The following MRPS28 variants were observed in gnomAD, a reference collection of about 807,000 sequenced individuals.
The protein encoded by MRPS28 is mitochondrial ribosomal protein S28, also known as small ribosomal subunit protein bS1m.
In MRPS28, 7 loss-of-function variants were observed where a neutral mutation model predicts 10.8. The observed-to-expected ratio is 0.65, with a 90% CI of 0.37 to 1.22. The LOEUF (loss-of-function observed/expected upper bound fraction) is 1.22. Among genes scored for constraint, MRPS28 ranks in the 50% most tolerant of loss-of-function variants. MRPS28 has a pLI of 0.02. For missense variants in MRPS28, 265 were observed against 232.9 expected (o/e 1.14, Z -0.90); for synonymous variants, 121 against 93.3 (o/e 1.30, Z -1.71).
intron 2 of MRPS28, among the ~76,000 whole-genome samples, chr8:79,928,216 A>G (rs747237803): frequency 6.6e-6 from 1 of 152,118 alleles, no homozygotes; most frequent in Non-Finnish European, 1.5e-5. Flanking sequence ...CTGTAGTTCC[A>G]GCTACTGGGG....
intron 2 of MRPS28, among the ~76,000 whole-genome samples, chr8:79,988,989 A>G (rs79154924): frequency 0.023 from 3,443 of 152,318 alleles, 148 homozygotes; most frequent in African/African-American, 0.078. Context: ...GGTATGTGAC[A>G]ATTTCTGAGA....
intron 1 of MRPS28, among the ~76,000 whole-genome samples, chr8:80,006,440 C>T (rs1319465608): frequency 1.3e-5 from 2 of 151,980 alleles, no homozygotes; most frequent in African/African-American, 2.4e-5. Context: ...CTGAAGGAGA[C>T]AGAGACACAA....
intron 2 of MRPS28, among the ~76,000 whole-genome samples, chr8:79,952,396 T>C (rs1410673796): frequency 1.3e-5 from 2 of 152,144 alleles, no homozygotes; most frequent in African/African-American, 2.4e-5. Context: ...GAAAATAATG[T>C]AAGTGAAGAG....
chr8:80,007,984 A>G (rs932913685), intron 1 of MRPS28, among the ~76,000 whole-genome samples: 1 of 152,222 alleles, frequency 6.6e-6, no homozygotes, highest in Non-Finnish European at 1.5e-5. Context: ...AAGCCAAAAG[A>G]ACAAAGCTAG....
intron 2 of MRPS28, among the ~76,000 whole-genome samples, chr8:79,949,627 T>G (rs1279743424): frequency 6.6e-6 from 1 of 152,178 alleles, no homozygotes; most frequent in Non-Finnish European, 1.5e-5. Flanking sequence ...TGTAGTATAA[T>G]TAATATGTAC....
At chr8:79,993,509 T>G (rs1222766273) in intron 2 of MRPS28, among the ~76,000 whole-genome samples, 2 of 152,130 alleles carry the variant, frequency 1.3e-5, no homozygotes, top group Admixed American at 6.5e-5. Context: ...AAAAAACCCC[T>G]CCAATGCTAT....
At chr8:79,930,251 A>G (rs1480062470) in intron 2 of MRPS28, among the ~76,000 whole-genome samples, 2 of 152,234 alleles carry the variant, frequency 1.3e-5, no homozygotes, top group Non-Finnish European at 2.9e-5. Context: ...GTATTTTAGT[A>G]TATTAATCAC....
At chr8:80,004,515 A>G (rs560669548) in intron 1 of MRPS28, among the ~76,000 whole-genome samples, 8 of 152,350 alleles carry the variant, frequency 5.3e-5, no homozygotes, top group African/African-American at 1.9e-4. Flanking sequence ...CCAAAGGTAG[A>G]TAAAACAACA....
intron 2 of MRPS28, among the ~76,000 whole-genome samples, chr8:79,942,645 G>A (rs1324013935): frequency 2.0e-5 from 3 of 152,158 alleles, no homozygotes; most frequent in Non-Finnish European, 4.4e-5. Context: ...CAGTTCTTAT[G>A]AATACCAGTG....
In MRPS28 at chr8:80,007,480, C is replaced by T. The variant is rs572029570; in HGVS notation, c.214-4300G>A. 5.6e-3 allele frequency among the ~76,000 whole-genome samples: 856 copies of T among 152,236 alleles called. 9 individuals carry two copies. The highest frequency in any genetic ancestry group is 0.02 in the African/African-American group (824 of 41,554). On this transcript the variant is annotated intron_variant, in intron 1 of 2. Transcript: ENST00000276585. Reference sequence around the variant, plus strand: ...TCAATTAGGAAAAGAGGAAGTCAAACTGTCCCTGTTTGCAGATGACATGAT... The same window carrying T: ...TCAATTAGGAAAAGAGGAAGTCAAATTGTCCCTGTTTGCAGATGACATGAT...
chr8:79,988,822 T>C (rs1465715285), intron 2 of MRPS28, among the ~76,000 whole-genome samples: 1 of 152,214 alleles, frequency 6.6e-6, no homozygotes, highest in East Asian at 1.9e-4. Flanking sequence ...TCCACTCCTA[T>C]GTTCTTCCTG....
chr8:79,938,315 A>G (rs1198868777), intron 2 of MRPS28, among the ~76,000 whole-genome samples: 1 of 152,084 alleles, frequency 6.6e-6, no homozygotes, highest in East Asian at 1.9e-4. Flanking sequence ...AAACAACTTT[A>G]GAAGAAGCAT....
At chr8:79,957,546 C>CA (rs35772888) in intron 2 of MRPS28, among the ~76,000 whole-genome samples, 1,529 of 84,944 alleles carry the variant, frequency 0.018, 30 homozygotes, top group African/African-American at 0.03. Flanking sequence ...CTTGTCTCTA[C>CA]AAAAAAAAAA....
intron 1 of MRPS28, among the ~76,000 whole-genome samples, chr8:80,010,201 G>A (rs1808998115): frequency 6.6e-6 from 1 of 151,952 alleles, no homozygotes; most frequent in African/African-American, 2.4e-5. Context: ...ACTCATTTTT[G>A]TGTATGGAGT....
rs567622092 is a variant in MRPS28 at position 79,988,711 on chromosome 8, A to T, written c.395+14288T>A. Among the ~76,000 whole-genome samples the T allele has an allele frequency of 5.3e-5, 8 of 152,334 alleles. No individual in the cohort carries two copies. The South Asian group carries it at 1.0e-3, about 20-fold the overall frequency. ...TGATTTTTAAAACAGACAGCTCCAA[A>T]ATAAGCCTTTTTGAACAATTCTGTT... On this transcript the variant is annotated intron_variant, in intron 2 of 2. Coordinates refer to ENST00000276585, the MANE Select transcript of MRPS28 (RefSeq NM_014018.3).
intron 1 of MRPS28, among the ~76,000 whole-genome samples, chr8:80,013,153 T>A (rs1809099288): frequency 6.6e-6 from 1 of 152,152 alleles, no homozygotes; most frequent in Non-Finnish European, 1.5e-5. Context: ...AAACCCTGAA[T>A]AAGTCATTTA....
chr8:80,016,101 A>G (rs1409593510), intron 1 of MRPS28, among the ~76,000 whole-genome samples: 2 of 152,184 alleles, frequency 1.3e-5, no homozygotes, highest in African/African-American at 2.4e-5. Context: ...GAAGAAAGAC[A>G]AATACAGCAG....
At chr8:79,988,231 A>G (rs1409605300) in intron 2 of MRPS28, among the ~76,000 whole-genome samples, 1 of 131,856 alleles carries the variant, frequency 7.6e-6, no homozygotes, top group African/African-American at 2.8e-5. Flanking sequence ...ATGAGAACAC[A>G]TGGACACAGG....
chr8:80,021,056 G>A (rs1273663576), intron 1 of MRPS28, among the ~76,000 whole-genome samples: 2 of 150,418 alleles, frequency 1.3e-5, no homozygotes, highest in Non-Finnish European at 2.9e-5. Flanking sequence ...AGGCTGGAGT[G>A]CAGTGGCACA....
Sources: gnomAD v4.1 joint callset for allele counts (sites outside exome capture counted in the v4.1 genomes callset) on GRCh38, gnomAD v4.1.1 for gene constraint, MANE v1.5 for transcripts, NCBI Gene and HGNC (gene_info 2026-07-23, HGNC 2026-07-21) for gene names.